The following TRAK1 variants were observed in gnomAD, a reference collection of about 807,000 sequenced individuals.
TRAK1 encodes the protein trafficking kinesin protein 1, also known as trafficking kinesin-binding protein 1.
TRAK1 carries 33 observed loss-of-function variants against 92.1 expected under a neutral mutation model. That is an observed-to-expected ratio of 0.36 (90% CI 0.27 to 0.48). TRAK1 has a LOEUF of 0.48. Among genes scored for constraint, TRAK1 ranks in the 20% least tolerant of loss-of-function variants. The pLI is 0.99. For missense variants in TRAK1, 1,123 were observed against 1,257.9 expected, an observed-to-expected ratio of 0.89 and a Z score of 1.62; for synonymous variants, 521 against 517.3, an observed-to-expected ratio of 1.01 and a Z score of -0.10.
At chr3:42,180,009 G>A (rs1703772123) in intron 3 of TRAK1, among the ~76,000 whole-genome samples, 1 of 151,876 alleles carries the variant, frequency 6.6e-6, no homozygotes, top group Admixed American at 6.6e-5. Flanking sequence ...CAAAGTGTTG[G>A]GATTACAGAC....
chr3:42,111,245 TATTC>T (rs1708354083), intron 1 of TRAK1, among the ~76,000 whole-genome samples: 1 of 152,204 alleles, frequency 6.6e-6, no homozygotes, highest in East Asian at 1.9e-4. Context: ...AAGCTGTCCT[TATTC>T]ATTCCTGGAC....
chr3:42,214,687 G>A (rs1709460396), intron 14 of TRAK1, among the ~76,000 whole-genome samples: 1 of 152,206 alleles, frequency 6.6e-6, no homozygotes, highest in African/African-American at 2.4e-5. Flanking sequence ...AATAAGTTGT[G>A]CAGAAACCAG....
intron 1 of TRAK1, among the ~76,000 whole-genome samples, chr3:42,014,816 T>C (rs1289628922): frequency 2.0e-5 from 3 of 151,736 alleles, no homozygotes; most frequent in Admixed American, 6.6e-5. Context: ...ATTTTTTTTT[T>C]TTTCTGATAT....
chr3:42,175,291 G>A lies in TRAK1; in HGVS notation c.287-1523G>A, dbSNP rs1054340233. On this transcript the variant is annotated intron_variant, in intron 2 of 15. Coordinates refer to ENST00000327628, the MANE Select transcript of TRAK1 (RefSeq NM_001042646.3). ...CGCCTGCAGACCATCACAGCTGTGC[G>A]TGAAGAAGACTAACTCGGGTTGGTA... is the stretch of plus-strand genomic sequence containing the variant. 3.3e-5 allele frequency among the ~76,000 whole-genome samples: 5 copies of A among 152,150 alleles called. No individual in the cohort carries two copies. The South Asian group carries it at 8.3e-4, about 25-fold the overall frequency.
chr3:42,194,965 C>T (rs184870601), intron 10 of TRAK1, 24 bp downstream of exon 10: 6 of 1,612,286 alleles, frequency 3.7e-6, no homozygotes, highest in Non-Finnish European at 5.1e-6. Flanking sequence ...TCTTCCCAGC[C>T]AGAGGACAGG....
chr3:42,190,854 G>A (rs113460601), intron 6 of TRAK1, among the ~76,000 whole-genome samples: 9 of 151,144 alleles, frequency 6.0e-5, no homozygotes, highest in African/African-American at 1.9e-4. Flanking sequence ...GTACAGTGGC[G>A]TGATCTTGGC....
At chr3:42,193,993 T>C (rs757375522) in intron 9 of TRAK1, 95 bp downstream of exon 9, 7 of 1,099,440 alleles carry the variant, frequency 6.4e-6, no homozygotes, top group Non-Finnish European at 9.3e-6. Context: ...TCGCAACTAC[T>C]GTTTTTATTT....
chr3:42,103,654 G>A (rs1170862836), intron 1 of TRAK1, among the ~76,000 whole-genome samples: 1 of 152,126 alleles, frequency 6.6e-6, no homozygotes, highest in Non-Finnish European at 1.5e-5. Flanking sequence ...CCAGCACTTT[G>A]GGAGGCTGAA....
Position 42,079,056 on chromosome 3 carries a change from C to G in TRAK1, c.-518-8048C>G, listed in dbSNP as rs548312814. On this transcript the variant is annotated intron_variant, in intron 1 of 16. Transcript: ENST00000487159. ...TGTGGATATCAGTTCTTTCCCAGAG[C>G]CCCCAGTAATGGACTCACACCTGTG... is the stretch of plus-strand genomic sequence containing the variant. 5.9e-5 allele frequency among the ~76,000 whole-genome samples: 9 copies of G among 152,246 alleles called. No individual in the cohort carries two copies. The South Asian group carries it at 1.0e-3, about 18-fold the overall frequency.
intron 6 of TRAK1, among the ~76,000 whole-genome samples, chr3:42,190,227 C>T (rs1235527754): frequency 6.6e-6 from 1 of 152,134 alleles, no homozygotes; most frequent in Non-Finnish European, 1.5e-5. Flanking sequence ...CAGTACGGCC[C>T]TGTTTATCAG....
chr3:42,096,528 A>G (rs1436562023), intron 1 of TRAK1, among the ~76,000 whole-genome samples: 1 of 152,252 alleles, frequency 6.6e-6, no homozygotes, highest in Non-Finnish European at 1.5e-5. Flanking sequence ...TGCTGGGATT[A>G]CAGGCGTGAG....
intron 1 of TRAK1, among the ~76,000 whole-genome samples, chr3:42,094,880 A>G (rs1705665873): frequency 6.6e-6 from 1 of 152,184 alleles, no homozygotes; most frequent in South Asian, 2.1e-4. Context: ...TTGCAGTCCA[A>G]AGGCTTGACA....
intron 1 of TRAK1, among the ~76,000 whole-genome samples, chr3:42,026,546 A>G (rs907117564): frequency 7.0e-6 from 1 of 142,766 alleles, no homozygotes; most frequent in Non-Finnish European, 1.5e-5. Context: ...TTTTTTTGAG[A>G]CAGAGTCTCA....
Position 42,202,083 on chromosome 3 carries a change from A to G in TRAK1, c.1428-353A>G, listed in dbSNP as rs550217793. On this transcript the variant is annotated intron_variant, in intron 12 of 15. Coordinates refer to ENST00000327628, the MANE Select transcript of TRAK1 (RefSeq NM_001042646.3). This position sits in a 1 kb window ranked among gnomAD's most constrained non-coding sequence, Gnocchi z 6.1. ...TTTTCCTTCAAGAGAAGAGAGAAACATGCCTTAACCCCATTATCCTTCTGG... is the reference window on the plus strand; with the variant it reads ...TTTTCCTTCAAGAGAAGAGAGAAACGTGCCTTAACCCCATTATCCTTCTGG... Among the ~76,000 whole-genome samples, 1 of 152,286 alleles carries G rather than the reference A, an allele frequency of 6.6e-6. No homozygotes were observed. Among genetic ancestry groups the G allele is most frequent in the African/African-American group, 2.4e-5 (1 of 41,554 alleles).
At chr3:42,079,059 C>G (rs1309072804) in intron 1 of TRAK1, among the ~76,000 whole-genome samples, 1 of 152,128 alleles carries the variant, frequency 6.6e-6, no homozygotes, top group Non-Finnish European at 1.5e-5. Flanking sequence ...CCCAGAGCCC[C>G]CAGTAATGGA....
chr3:42,049,208 G>A (rs565278173), intron 1 of TRAK1, among the ~76,000 whole-genome samples: 52 of 152,304 alleles, frequency 3.4e-4, no homozygotes, highest in African/African-American at 1.2e-3. Context: ...ATGCTTGACT[G>A]CTGGTTGAAA....
Position 42,122,066 on chromosome 3 carries a change from C to G in TRAK1, c.92-3354C>G, listed in dbSNP as rs546037076. On this transcript the variant is annotated intron_variant, in intron 1 of 15. Transcript: ENST00000327628. ...TTCCTGACCTCAAGTGATCCACCAG[C>G]CTCAGCCTCCCAAAGTGCTGGGATT... Among the ~76,000 whole-genome samples, 158 of 152,258 alleles carry G rather than the reference C, an allele frequency of 1.0e-3. 1 individual carries two copies. Among genetic ancestry groups the G allele is most frequent in the African/African-American group, 3.5e-3 (147 of 41,552 alleles).
rs965483873 is a variant in TRAK1 at position 42,091,542 on chromosome 3, A to G, written c.73A>G (p.Ile25Val). ...GCCAGGACTCTGCCACGGCAAGCTC[A>G]TTCGGACAAACGCCTGTGGTAAGTT... ...PLPGLCHGKL[I>V]RTNACDVCNS... The change falls in exon 1 of 16, where the codon ATT becomes GTT. Residue 25 changes from isoleucine (I) to valine (V), a missense_variant. Physicochemically the swap from Ile to Val is conservative, Grantham distance 29 (BLOSUM62 3). Transcript: ENST00000327628. 28 of 1,611,600 alleles carry G rather than the reference A, an allele frequency of 1.7e-5. No homozygotes were observed. The highest frequency in any genetic ancestry group is 2.4e-5 in the Non-Finnish European group (28 of 1,178,718).
At chr3:42,189,614 T>C (rs1705385028) in intron 6 of TRAK1, among the ~76,000 whole-genome samples, 1 of 152,110 alleles carries the variant, frequency 6.6e-6, no homozygotes, top group South Asian at 2.1e-4. Context: ...CTCTGCAACC[T>C]TCGCCTCCCA....
Sources: gnomAD v4.1 joint callset for allele counts (sites outside exome capture counted in the v4.1 genomes callset) on GRCh38, gnomAD v4.1.1 for gene constraint, Gnocchi (gnomAD v3.1) non-coding constraint, MANE v1.5 for transcripts, NCBI Gene and HGNC (gene_info 2026-07-23, HGNC 2026-07-21) for gene names.